The following ESR1 variants were observed in gnomAD, a reference collection of about 807,000 sequenced individuals.
The protein encoded by ESR1 is estrogen receptor 1, also known as estrogen receptor.
Under a neutral mutation model 52.7 loss-of-function variants are expected in ESR1, and 12 were observed. The observed-to-expected ratio is 0.23, with a 90% CI of 0.15 to 0.37. The LOEUF (loss-of-function observed/expected upper bound fraction) is 0.37, where lower values mean the gene tolerates loss of function less well. Ranked by LOEUF, ESR1 falls within the 10% of genes least tolerant of loss-of-function variation. ESR1 has a pLI of 1.00. For synonymous variants in ESR1, 305 were observed against 316.8 expected (o/e 0.96, Z 0.39); for missense variants, 584 against 779.7 (o/e 0.75, Z 2.99).
At chr6:151,782,263 T>G (rs1471286526) in intron 2 of ESR1, among the ~76,000 whole-genome samples, 5 of 152,214 alleles carry the variant, frequency 3.3e-5, no homozygotes, top group Non-Finnish European at 7.3e-5. Flanking sequence ...TAATGTATCA[T>G]CATGTAAAAA....
chr6:151,694,833 A>C (rs559585324), intron 1 of ESR1, among the ~76,000 whole-genome samples: 1 of 152,316 alleles, frequency 6.6e-6, no homozygotes, highest in Non-Finnish European at 1.5e-5. Flanking sequence ...GCAATGCATA[A>C]ATTATTACTT....
At chr6:151,697,763 T>C (rs1410339003) in intron 1 of ESR1, among the ~76,000 whole-genome samples, 1 of 151,978 alleles carries the variant, frequency 6.6e-6, no homozygotes. Flanking sequence ...TGTAGTATTT[T>C]ATGATTCTAT....
At chr6:151,948,835 CTCT>C (rs1336238216) in intron 4 of ESR1, among the ~76,000 whole-genome samples, 1 of 152,160 alleles carries the variant, frequency 6.6e-6, no homozygotes, top group Non-Finnish European at 1.5e-5. Flanking sequence ...GGCTCAAGGC[CTCT>C]TCTGTGTCTG....
At chr6:151,680,650 TG>T (rs1336513091) in intron 1 of ESR1, among the ~76,000 whole-genome samples, 7 of 152,164 alleles carry the variant, frequency 4.6e-5, no homozygotes, top group Non-Finnish European at 1.0e-4. Context: ...GCCATCATAT[TG>T]GGGGTTTGGA....
At chr6:151,895,419 C>G (rs1795344220) in intron 3 of ESR1, among the ~76,000 whole-genome samples, 1 of 152,126 alleles carries the variant, frequency 6.6e-6, no homozygotes, top group Admixed American at 6.5e-5. Flanking sequence ...GCTAGGACTT[C>G]TGGTACTGTG....
rs139797847 is a variant in ESR1 at position 151,712,787 on chromosome 6, A to G, written c.-71+10782A>G. 3.2e-3 allele frequency among the ~76,000 whole-genome samples: 485 copies of G among 152,266 alleles called. 3 individuals carry two copies. Among genetic ancestry groups the G allele is most frequent in the African/African-American group, 0.011 (463 of 41,550 alleles). ...ATACAATCATGTCATCTGCAAACAG[A>G]GACAATTTAACTTCCTCTCTTCCTA... On this transcript the variant is annotated intron_variant, in intron 2 of 2. Coordinates refer to the ESR1 transcript ENST00000404742.
At chr6:151,793,928 T>A (rs1367631867) in intron 2 of ESR1, among the ~76,000 whole-genome samples, 1 of 152,270 alleles carries the variant, frequency 6.6e-6, no homozygotes, top group Non-Finnish European at 1.5e-5. Context: ...TAAATTCATG[T>A]ACTTGCAATA....
At position 152,122,780 on chromosome 6, in the gene ESR1, C is replaced by A. The variant is rs1447298812; in HGVS notation, c.851-2486C>A. 1.9e-6 allele frequency: 3 copies of A among 1,564,752 alleles called. No homozygotes were observed. The South Asian group carries it at 3.4e-5, about 18-fold the overall frequency. The stretch of plus-strand genomic sequence containing the variant: ...GGAAGCTAAAGGGCCATGCCAAGCA[C>A]ACCCCAGCCTGGCGATCAGCTGCCA... On this transcript the variant is annotated intron_variant, in intron 6 of 6. Transcript: ENST00000427531.
upstream of ESR1, among the ~76,000 whole-genome samples, chr6:151,801,051 GGTGT>G (rs3062689): frequency 0.013 from 1,991 of 147,692 alleles, 21 homozygotes; most frequent in Non-Finnish European, 0.022. Context: ...TTGATTATGT[GGTGT>G]GTGTGTGTGT....
chr6:151,703,972 C>T (rs1387427711), intron 2 of ESR1, among the ~76,000 whole-genome samples: 4 of 152,138 alleles, frequency 2.6e-5, no homozygotes, highest in African/African-American at 9.7e-5. Context: ...GGTTGGGTCA[C>T]CAGAATAATT....
chr6:151,936,800 A>G (rs2034417350), intron 3 of ESR1, among the ~76,000 whole-genome samples: 5 of 152,218 alleles, frequency 3.3e-5, no homozygotes, highest in Admixed American at 3.3e-4. Context: ...GTTTCAGGCC[A>G]CAGCAAGTGG....
At chr6:152,045,479 G>A (rs77643245) in intron 5 of ESR1, among the ~76,000 whole-genome samples, 2,686 of 152,288 alleles carry the variant, frequency 0.018, 83 homozygotes, top group African/African-American at 0.061. Context: ...ATCAGGCATA[G>A]CAGAGACTAG....
chr6:152,050,337 G>A (rs902391501), intron 5 of ESR1, among the ~76,000 whole-genome samples: 9 of 152,074 alleles, frequency 5.9e-5, no homozygotes, highest in African/African-American at 2.2e-4. Context: ...TAAGGTAATG[G>A]ACCAAAAGTC....
intron 3 of ESR1, among the ~76,000 whole-genome samples, chr6:151,922,256 C>A (rs946669240): frequency 6.6e-6 from 1 of 152,034 alleles, no homozygotes; most frequent in Admixed American, 6.6e-5. Flanking sequence ...AACTGGCTAG[C>A]CACATACAGA....
In ESR1 at chr6:152,022,814, A is replaced by ATAAAAAT. The variant is rs1314905773; in HGVS notation, c.1235+11030_1235+11036dup. On this transcript the variant is annotated intron_variant, in intron 5 of 7. Coordinates refer to ENST00000206249, the MANE Select transcript of ESR1 (RefSeq NM_000125.4). ...TGGAGAAACCCTGTCTCTACTAAAA[A>ATAAAAAT]TAAAAATTAAAAATTAGCCGGGCTT... 7.9e-4 allele frequency among the ~76,000 whole-genome samples: 92 copies of ATAAAAAT among 116,672 alleles called. 1 individual carries two copies. In the Middle Eastern group the frequency reaches 0.011, roughly 14 times the overall value. The allele number at this position is 116,672 out of a possible 152,430, so 76.5% of individuals were successfully genotyped here.
At position 151,889,780 on chromosome 6, in the gene ESR1, T is replaced by A. The variant is rs9340865; in HGVS notation, c.760+9009T>A. ...GAGATCTTCTTCTTTGATGAAGACA[T>A]TTATTGCTATAAACTTCCCTCTTGA... is the stretch of plus-strand genomic sequence containing the variant. On this transcript the variant is annotated intron_variant, in intron 3 of 7. Coordinates refer to ENST00000206249, the MANE Select transcript of ESR1 (RefSeq NM_000125.4). Among the ~76,000 whole-genome samples, 19 of 152,310 alleles carry A rather than the reference T, an allele frequency of 1.2e-4. No individual in the cohort carries two copies. In the East Asian group the frequency reaches 2.7e-3, roughly 22 times the overall value.
At chr6:151,696,891 C>A (rs1779391364) in intron 1 of ESR1, among the ~76,000 whole-genome samples, 1 of 152,006 alleles carries the variant, frequency 6.6e-6, no homozygotes, top group Non-Finnish European at 1.5e-5. Flanking sequence ...CGACTCTTGA[C>A]CATGACCTTA....
intron 6 of ESR1, among the ~76,000 whole-genome samples, chr6:152,089,846 T>G (rs2050039140): frequency 6.6e-6 from 1 of 152,186 alleles, no homozygotes; most frequent in African/African-American, 2.4e-5. Context: ...CCCAAAGTGG[T>G]GGGTTACAGG....
intron 1 of ESR1, among the ~76,000 whole-genome samples, chr6:151,820,319 A>G (rs1562440824): frequency 1.3e-5 from 2 of 152,226 alleles, no homozygotes; most frequent in South Asian, 2.1e-4. Context: ...TTAATAAAAT[A>G]AGGGTAAACT....
Sources: allele counts gnomAD v4.1 joint callset (sites outside exome capture counted in the v4.1 genomes callset), GRCh38; gene constraint gnomAD v4.1.1; transcripts MANE v1.5; gene names NCBI Gene and HGNC (gene_info 2026-07-23, HGNC 2026-07-21).